The following ANLN variants were observed in gnomAD, a reference collection of about 807,000 sequenced individuals.
ANLN encodes anillin, actin binding protein, also known as anillin.
In ANLN, 59 loss-of-function variants were observed where a neutral mutation model predicts 135.1. The observed-to-expected ratio is 0.44, with a 90% CI of 0.35 to 0.54. The LOEUF is 0.54. Among genes scored for constraint, ANLN ranks in the 20% least tolerant of loss-of-function variants. The pLI, the probability that ANLN is intolerant of heterozygous loss-of-function variation, is 0.00. For missense variants in ANLN, 1,182 were observed against 1,340.0 expected (o/e 0.88, Z 1.84); for synonymous variants, 406 against 456.4 (o/e 0.89, Z 1.41).
intron 21 of ANLN, among the ~76,000 whole-genome samples, chr7:36,439,722 C>A (rs1351299465): frequency 6.6e-6 from 1 of 152,162 alleles, no homozygotes; most frequent in African/African-American, 2.4e-5. Context: ...TTGAAGGGCC[C>A]TTCTTTGTCA....
chr7:36,449,459 A>G (rs2116833868), intron 22 of ANLN: 1 of 429,784 alleles, frequency 2.3e-6, no homozygotes, highest in African/African-American at 2.0e-5. Context: ...AAGAGCTACC[A>G]GTTGATATTT....
Position 36,452,806 on chromosome 7 carries a change from A to G in ANLN, c.*206A>G, listed in dbSNP as rs1789302141. 2 of 396,932 alleles carry G rather than the reference A, an allele frequency of 5.0e-6. No homozygotes were observed. The highest frequency in any genetic ancestry group is 7.2e-5 in the South Asian group (1 of 13,820). 24.6% of individuals were successfully genotyped at this position (396,932 alleles called of 1,614,324 possible). On this transcript the variant is annotated 3_prime_UTR_variant, in exon 24 of 24. Transcript: ENST00000265748. Reference sequence around the variant, plus strand: ...TTCATCAATGAGTAGAAGTAAATACATTATAGTTGATTTTGCTAAATCTTA... The same window carrying G: ...TTCATCAATGAGTAGAAGTAAATACGTTATAGTTGATTTTGCTAAATCTTA...
chr7:36,435,872 CAAAAAAAAAAAA>C (rs57379889), intron 20 of ANLN, among the ~76,000 whole-genome samples: 14 of 52,242 alleles, frequency 2.7e-4, no homozygotes, highest in East Asian at 1.9e-3. Context: ...GACTCCGTCT[CAAAAAAAAAAAA>C]AAAAAAAAAA....
In ANLN at chr7:36,406,514, C is replaced by G. The variant is rs1275749719; in HGVS notation, c.821C>G (p.Ser274Cys). 1.3e-6 allele frequency: 2 copies of G among 1,556,736 alleles called. No homozygotes were observed. Among genetic ancestry groups the G allele is most frequent in the Non-Finnish European group, 1.7e-6 (2 of 1,147,942 alleles). The change falls in exon 4 of 24, where the codon TCC becomes TGC. Residue 274 changes from serine to cysteine, a missense_variant. Physicochemically the swap from Ser to Cys is moderately radical, Grantham distance 112. This residue lies in a region of ANLN where 1,022 missense variants were observed against 1,134.0 expected (regional missense o/e 0.90). Transcript: ENST00000265748. ...DGDASLNKAL[S>C]SSADDASLVN... is the part of the protein sequence containing the mutation. ...GATGCCTCTTTGAATAAAGCCCTATCCTCAAGTGCTGATGATGCGTCTTTG... is the reference window on the plus strand; with the variant it reads ...GATGCCTCTTTGAATAAAGCCCTATGCTCAAGTGCTGATGATGCGTCTTTG...
chr7:36,446,828 T>G (rs1047387981), intron 22 of ANLN, among the ~76,000 whole-genome samples: 1 of 152,228 alleles, frequency 6.6e-6, no homozygotes, highest in Non-Finnish European at 1.5e-5. Context: ...GATGTCATTA[T>G]ATGTGTAGGT....
intron 7 of ANLN, among the ~76,000 whole-genome samples, chr7:36,414,163 C>T (rs192703140): frequency 1.5e-4 from 23 of 152,174 alleles, no homozygotes; most frequent in Non-Finnish European, 2.8e-4. Context: ...GTGAGGGTGG[C>T]GTGCAGGTGG....
chr7:36,417,867 G>A (rs1213432324), intron 9 of ANLN, among the ~76,000 whole-genome samples: 2 of 151,788 alleles, frequency 1.3e-5, no homozygotes, highest in East Asian at 3.9e-4. Context: ...AGTAGAGAGG[G>A]GGTTTCACCA....
chr7:36,449,904 A>G lies in ANLN; in HGVS notation c.3251+67A>G, dbSNP rs114651394. 650 of 1,465,952 alleles carry G rather than the reference A, an allele frequency of 4.4e-4. 3 individuals carry two copies. In the African/African-American group the frequency reaches 7.9e-3, roughly 18 times the overall value. The allele number at this position is 1,465,952 out of a possible 1,614,324, so 90.8% of individuals were successfully genotyped here. On this transcript the variant is annotated intron_variant, in intron 23 of 23. Coordinates refer to ENST00000265748, the MANE Select transcript of ANLN (RefSeq NM_018685.5). Reference sequence around the variant, plus strand: ...GATTGCCCACTATGTACTTACCACTATGAGAAATATCACAGATGGTCCTTG... The same window carrying G: ...GATTGCCCACTATGTACTTACCACTGTGAGAAATATCACAGATGGTCCTTG...
At position 36,412,332 on chromosome 7, in the gene ANLN, T is replaced by A. The variant is rs868359550; in HGVS notation, c.1395+1166T>A. On this transcript the variant is annotated intron_variant, in intron 7 of 23. Transcript: ENST00000265748. The stretch of plus-strand genomic sequence containing the variant: ...ATATATATATATATATATATATTTT[T>A]TTTTTTTTTTTTTGACATGGAGTTT... Among the ~76,000 whole-genome samples, 806 of 132,672 alleles carry A rather than the reference T, an allele frequency of 6.1e-3. 4 individuals are homozygous for A. The highest frequency in any genetic ancestry group is 0.015 in the African/African-American group (548 of 36,646). The allele number at this position is 132,672 out of a possible 152,430, so 87.0% of individuals were successfully genotyped here. A position where few individuals can be genotyped will look rare whatever the true frequency, so the allele number is the denominator to read the frequency against.
intron 1 of ANLN, among the ~76,000 whole-genome samples, chr7:36,391,068 A>G (rs197356): frequency 0.98 from 148,905 of 152,354 alleles, 72,870 homozygotes; most frequent in East Asian, 1. Flanking sequence ...TTAATTACAG[A>G]TTTCAGCAAT....
intron 7 of ANLN, 25 bp from the exon 8 acceptor site, chr7:36,415,733 T>G (rs1325741628): frequency 3.2e-6 from 5 of 1,559,998 alleles, no homozygotes; most frequent in Non-Finnish European, 4.3e-6. Context: ...AGAAATAAAA[T>G]TTACTTTTCA....
rs748830939 is a variant in ANLN, at chr7:36,452,579, C to G, written c.3354C>G (p.Tyr1118Ter). The change falls in exon 24 of 24, where the codon TAC becomes TAG. Residue 1118 changes from tyrosine (Y) to a stop codon, truncating the protein, a stop_gained. Coordinates refer to ENST00000265748, the MANE Select transcript of ANLN (RefSeq NM_018685.5). LOFTEE classifies it high-confidence loss of function. ...DIRLWQPDAC[Y>*]KPIGKP Reference sequence around the variant, plus strand: ...GCCTCTGGCAACCTGATGCTTGCTACAAACCTATTGGAAAGCCTTAAACCG... The same window carrying G: ...GCCTCTGGCAACCTGATGCTTGCTAGAAACCTATTGGAAAGCCTTAAACCG... The G allele has an allele frequency of 1.9e-6, 3 of 1,614,044 alleles. No individual in the cohort carries two copies. Among genetic ancestry groups the G allele is most frequent in the Admixed American group, 1.7e-5 (1 of 60,022 alleles).
chr7:36,432,308 C>A (rs1171523385), intron 20 of ANLN, among the ~76,000 whole-genome samples: 1 of 152,144 alleles, frequency 6.6e-6, no homozygotes, highest in African/African-American at 2.4e-5. Flanking sequence ...TGTCTGGGAA[C>A]TCATCTCCTG....
chr7:36,449,518 A>G (rs1789157843), intron 22 of ANLN, 147 bp from the exon 23 acceptor site: 1 of 592,822 alleles, frequency 1.7e-6, no homozygotes, highest in African/African-American at 1.9e-5. Flanking sequence ...AATGTTAAAT[A>G]TGTTTCTCTA....
intron 22 of ANLN, among the ~76,000 whole-genome samples, chr7:36,446,291 A>T (rs1012126208): frequency 6.6e-5 from 10 of 152,096 alleles, no homozygotes; most frequent in Non-Finnish European, 1.3e-4. Context: ...CTTCACATTT[A>T]ATTTCCCTAG....
chr7:36,430,814 G>A (rs954118078), intron 20 of ANLN, among the ~76,000 whole-genome samples: 1 of 152,078 alleles, frequency 6.6e-6, no homozygotes, highest in Non-Finnish European at 1.5e-5. Flanking sequence ...CTGGTTGTAG[G>A]TTATATTTTA....
Position 36,420,647 on chromosome 7 carries a change from T to C in ANLN, c.2066T>C (p.Ile689Thr). 2.5e-6 allele frequency: 4 copies of C among 1,613,388 alleles called. No individual in the cohort carries two copies. The highest frequency in any genetic ancestry group is 3.4e-6 in the Non-Finnish European group (4 of 1,179,360). Reference sequence around the variant, plus strand: ...TTCAAAGAAACAGAACGTCCATCAATAAAGCAGGTGATTGTTCGGAAGGAA... The same window carrying C: ...TTCAAAGAAACAGAACGTCCATCAACAAAGCAGGTGATTGTTCGGAAGGAA... ...QRFKETERPS[I>T]KQVIVRKEDV... The change falls in exon 12 of 24, where the codon ATA becomes ACA. Residue 689 changes from isoleucine (I) to threonine (T), a missense_variant. This residue lies in a region of ANLN where 1,022 missense variants were observed against 1,134.0 expected (regional missense o/e 0.90). Coordinates refer to ENST00000265748, the MANE Select transcript of ANLN (RefSeq NM_018685.5).
At chr7:36,437,966 C>T (rs902214497) in intron 20 of ANLN, among the ~76,000 whole-genome samples, 45 of 152,130 alleles carry the variant, frequency 3.0e-4, no homozygotes, top group African/African-American at 9.6e-4. Context: ...GATGGGATTT[C>T]ACCATGTTGA....
rs755538271 is a variant in ANLN, at chr7:36,411,098, G to C, written c.1327G>C (p.Asp443His). 1.2e-6 allele frequency: 2 copies of C among 1,611,430 alleles called. No individual in the cohort carries two copies. Among genetic ancestry groups the C allele is most frequent in the South Asian group, 1.1e-5 (1 of 90,348 alleles). The change falls in exon 7 of 24, where the codon GAC becomes CAC. Residue 443 changes from aspartate (D) to histidine (H), a missense_variant. Around this residue, in one of 3 missense-constraint regions of ANLN, gnomAD observed 1,022 missense variants for 1,134.0 expected, o/e 0.90. Coordinates refer to ENST00000265748, the MANE Select transcript of ANLN (RefSeq NM_018685.5). ...KELACLRGRF[D>H]KGNIWSAEKG... is the part of the protein sequence containing the mutation. ...ACTAGCATGTCTTCGTGGCCGATTT[G>C]ACAAGGGCAATATATGGAGTGCAGA...
Sources: gnomAD v4.1 joint callset for allele counts (sites outside exome capture counted in the v4.1 genomes callset) on GRCh38, gnomAD v4.1.1 for gene constraint, gnomAD v4.1.1 regional missense constraint, MANE v1.5 for transcripts, NCBI Gene and HGNC (gene_info 2026-07-23, HGNC 2026-07-21) for gene names.